The following DPY19L4 variants were observed in gnomAD, a reference collection of about 807,000 sequenced individuals.
DPY19L4 encodes probable C-mannosyltransferase DPY19L4.
DPY19L4 carries 97 observed loss-of-function variants against 102.8 expected under a neutral mutation model. That is an observed-to-expected ratio of 0.94 (90% CI 0.80 to 1.12). The LOEUF (loss-of-function observed/expected upper bound fraction) is 1.12, where lower values mean the gene tolerates loss of function less well. Among genes scored for constraint, DPY19L4 ranks in the 50% most tolerant of loss-of-function variants. The probability of loss-of-function intolerance (pLI) is 0.00; values close to 1 mark genes in which losing one functional copy is unlikely to be tolerated. For synonymous variants in DPY19L4, 252 were observed against 283.1 expected, an observed-to-expected ratio of 0.89 and a Z score of 1.10; for missense variants, 815 against 850.4, an observed-to-expected ratio of 0.96 and a Z score of 0.52.
At chr8:94,772,975 C>T (rs1225685643) in intron 13 of DPY19L4, among the ~76,000 whole-genome samples, 2 of 151,840 alleles carry the variant, frequency 1.3e-5, no homozygotes, top group Non-Finnish European at 2.9e-5. Context: ...ATTTTGGGGG[C>T]CTGAGGCGAG....
At chr8:94,786,936 G>A (rs1813680779) in intron 17 of DPY19L4, among the ~76,000 whole-genome samples, 1 of 152,166 alleles carries the variant, frequency 6.6e-6, no homozygotes, top group Admixed American at 6.5e-5. Flanking sequence ...TTCTTAACCT[G>A]GGAGAATTGT....
Position 94,739,922 on chromosome 8 carries a change from C to T in DPY19L4, c.611+132C>T, listed in dbSNP as rs1811370334. 5 of 1,131,564 alleles carry T rather than the reference C, an allele frequency of 4.4e-6. No homozygotes were observed. The South Asian group carries it at 5.9e-5, about 13-fold the overall frequency. 70.1% of individuals were successfully genotyped at this position (1,131,564 alleles called of 1,614,324 possible). A position where few individuals can be genotyped will look rare whatever the true frequency, so the allele number is the denominator to read the frequency against. On this transcript the variant is annotated intron_variant, in intron 6 of 18. Coordinates refer to ENST00000414645, the MANE Select transcript of DPY19L4 (RefSeq NM_181787.3). ...CCTATGAATATGATGAGATGCCATT[C>T]CCATGATTATGATACTTTGTATAGC...
At chr8:94,761,944 G>A (rs2130876852) in intron 8 of DPY19L4, 110 bp downstream of exon 8, 1 of 1,111,114 alleles carries the variant, frequency 9.0e-7, no homozygotes, top group Non-Finnish European at 1.2e-6. Context: ...GAACCCCGAT[G>A]CATACAATAT....
chr8:94,776,759 A>AT (rs1333854230), intron 13 of DPY19L4, among the ~76,000 whole-genome samples: 1 of 151,640 alleles, frequency 6.6e-6, no homozygotes, highest in Non-Finnish European at 1.5e-5. Context: ...GAGGTCAGGA[A>AT]TTTGAGACCA....
At chr8:94,784,147 TCAAGCGATTCTCCTGCCTC>T (rs1192420903) in intron 17 of DPY19L4, among the ~76,000 whole-genome samples, 1 of 152,142 alleles carries the variant, frequency 6.6e-6, no homozygotes, top group East Asian at 1.9e-4. Context: ...CTTCCTGGGT[TCAAGCGATTCTCCTGCCTC>T]CAAGCGATTC....
At chr8:94,724,678 A>G (rs1351444533) in intron 1 of DPY19L4, among the ~76,000 whole-genome samples, 1 of 152,082 alleles carries the variant, frequency 6.6e-6, no homozygotes, top group African/African-American at 2.4e-5. Context: ...AGCTCCACCT[A>G]CTGGGTTCAA....
At chr8:94,735,901 A>T (rs1811169496) in intron 3 of DPY19L4, among the ~76,000 whole-genome samples, 1 of 152,032 alleles carries the variant, frequency 6.6e-6, no homozygotes, top group Admixed American at 6.5e-5. Context: ...ATTTGCATTC[A>T]TAAAAAAAAT....
At chr8:94,778,338 A>G (rs754467463) in intron 14 of DPY19L4, among the ~76,000 whole-genome samples, 5 of 152,218 alleles carry the variant, frequency 3.3e-5, no homozygotes, top group Non-Finnish European at 7.3e-5. Context: ...GAGGTCATCA[A>G]GAATCAATTT....
intron 3 of DPY19L4, among the ~76,000 whole-genome samples, chr8:94,736,895 C>G (rs1402647704): frequency 6.6e-6 from 1 of 152,150 alleles, no homozygotes; most frequent in Non-Finnish European, 1.5e-5. Context: ...TTGTTATTGC[C>G]TCTCTCACTA....
At chr8:94,785,637 T>C (rs6997788) in intron 17 of DPY19L4, among the ~76,000 whole-genome samples, 1 of 152,204 alleles carries the variant, frequency 6.6e-6, no homozygotes, top group Non-Finnish European at 1.5e-5. Context: ...AATGATTAGA[T>C]CTGCTTTGGA....
intron 7 of DPY19L4, among the ~76,000 whole-genome samples, chr8:94,760,324 C>T (rs1812346550): frequency 6.6e-6 from 1 of 152,164 alleles, no homozygotes; most frequent in South Asian, 2.1e-4. Context: ...ACTGATTTCT[C>T]TGGGGATGAT....
At chr8:94,732,325 T>C (rs1810996509) in intron 2 of DPY19L4, among the ~76,000 whole-genome samples, 1 of 152,204 alleles carries the variant, frequency 6.6e-6, no homozygotes, top group Admixed American at 6.5e-5. Flanking sequence ...ATGCTTATTA[T>C]ACTCAATGGC....
chr8:94,784,660 C>A (rs939747532), intron 17 of DPY19L4, among the ~76,000 whole-genome samples: 1 of 152,192 alleles, frequency 6.6e-6, no homozygotes, highest in Non-Finnish European at 1.5e-5. Context: ...AAACTCCTGA[C>A]CTCAGGTGAT....
intron 13 of DPY19L4, among the ~76,000 whole-genome samples, chr8:94,776,026 C>CTTTTTTTTTTTTT (rs1165180641): frequency 1.2e-5 from 1 of 81,500 alleles, no homozygotes; most frequent in African/African-American, 4.9e-5. Flanking sequence ...ATTTTTAAAT[C>CTTTTTTTTTTTTT]TTTTTTTTTT....
rs932016385 is a variant in DPY19L4 at position 94,791,807 on chromosome 8, A to G, written c.*1897A>G. 1 of 152,106 alleles carries G rather than the reference A, an allele frequency of 6.6e-6. No homozygotes were observed. The highest frequency in any genetic ancestry group is 2.4e-5 in the African/African-American group (1 of 41,428). The allele number at this position is 152,106 out of a possible 1,614,324, so 9.4% of individuals were successfully genotyped here. A position where few individuals can be genotyped will look rare whatever the true frequency, so the allele number is the denominator to read the frequency against. On this transcript the variant is annotated 3_prime_UTR_variant, in exon 19 of 19. Transcript: ENST00000414645. Reference sequence around the variant, plus strand: ...AAGTTGCTTTTGCTTCTTTCTGTCAACTTATTTTTTAAATAAAATTGATCT... The same window carrying G: ...AAGTTGCTTTTGCTTCTTTCTGTCAGCTTATTTTTTAAATAAAATTGATCT...
chr8:94,723,193 C>T (rs930078354), intron 1 of DPY19L4, among the ~76,000 whole-genome samples: 1 of 152,176 alleles, frequency 6.6e-6, no homozygotes, highest in Non-Finnish European at 1.5e-5. Flanking sequence ...AAAGGAGTGG[C>T]CGGGCGTGGT....
At chr8:94,764,687 G>A (rs867664908) in intron 8 of DPY19L4, among the ~76,000 whole-genome samples, 1 of 75,482 alleles carries the variant, frequency 1.3e-5, no homozygotes, top group Non-Finnish European at 2.3e-5. Flanking sequence ...GTGTCTGTGT[G>A]TGTATATATA....
intron 2 of DPY19L4, among the ~76,000 whole-genome samples, chr8:94,729,303 C>A (rs981701654): frequency 1.3e-5 from 2 of 151,608 alleles, no homozygotes; most frequent in African/African-American, 4.9e-5. Context: ...ACCTGGGAAG[C>A]GGAGGTCACA....
chr8:94,736,712 G>T (rs1411656727), intron 3 of DPY19L4, among the ~76,000 whole-genome samples: 1 of 152,164 alleles, frequency 6.6e-6, no homozygotes, highest in African/African-American at 2.4e-5. Flanking sequence ...AAGATTTGCT[G>T]TACCTCTGGA....
Sources: allele counts gnomAD v4.1 joint callset (sites outside exome capture counted in the v4.1 genomes callset), GRCh38; gene constraint gnomAD v4.1.1; transcripts MANE v1.5; gene names NCBI Gene and HGNC (gene_info 2026-07-23, HGNC 2026-07-21).